STK17A: variants seen among roughly 807,000 people sequenced by gnomAD.
The protein encoded by STK17A is serine/threonine kinase 17a.
In STK17A, 26 loss-of-function variants were observed where a neutral mutation model predicts 43.7. That is an observed-to-expected ratio of 0.60 (90% CI 0.44 to 0.83). STK17A has a LOEUF of 0.83. Among genes scored for constraint, STK17A ranks in the 40% least tolerant of loss-of-function variants. The pLI, the probability that STK17A is intolerant of heterozygous loss-of-function variation, is 0.00. For missense variants in STK17A, 476 were observed against 511.6 expected (o/e 0.93, Z 0.67); for synonymous variants, 191 against 182.5 (o/e 1.05, Z -0.38).
Position 43,589,937 on chromosome 7 carries a change from AATTTTATTTT to A in STK17A, c.207-5939_207-5930del, listed in dbSNP as rs60703469. Among the ~76,000 whole-genome samples the A allele has an allele frequency of 3.9e-3, 410 of 103,860 alleles. 11 individuals are homozygous for A. The highest frequency in any genetic ancestry group is 6.7e-3 in the Non-Finnish European group (292 of 43,530). The allele number at this position is 103,860 out of a possible 152,430, so 68.1% of individuals were successfully genotyped here. On this transcript the variant is annotated intron_variant, in intron 1 of 6. Coordinates refer to ENST00000319357, the MANE Select transcript of STK17A (RefSeq NM_004760.3). ...TTTAATTTTATTTAATTTTAATTTT[AATTTTATTTT>A]ATTTTATTTTATTTTATTTTATTTG...
intron 4 of STK17A, among the ~76,000 whole-genome samples, chr7:43,619,960 C>T (rs1563163545): frequency 6.6e-6 from 1 of 152,212 alleles, no homozygotes; most frequent in Non-Finnish European, 1.5e-5. Context: ...GAAGGGATTA[C>T]TTCTAAAAGG....
chr7:43,583,429 C>T lies in STK17A; in HGVS notation c.186C>T (p.Cys62=), dbSNP rs2152969909. ...TEPFQDGYSL[C]PGRELGRGKF... ...CCTTCCAGGACGGCTACAGCCTGTG[C>T]CCGGGCCGGGAGCTGGGCAGGTGAG... The change falls in exon 1 of 7, where the codon TGC becomes TGT. Residue 62 remains cysteine, a synonymous_variant. Coordinates refer to ENST00000319357, the MANE Select transcript of STK17A (RefSeq NM_004760.3). 2 of 1,379,040 alleles carry T rather than the reference C, an allele frequency of 1.5e-6. No homozygotes were observed. The highest frequency in any genetic ancestry group is 3.5e-5 in the Admixed American group (1 of 28,456). The allele number at this position is 1,379,040 out of a possible 1,614,324, so 85.4% of individuals were successfully genotyped here. A position where few individuals can be genotyped will look rare whatever the true frequency, so the allele number is the denominator to read the frequency against.
chr7:43,614,450 T>C (rs2083164907), intron 3 of STK17A, among the ~76,000 whole-genome samples: 1 of 152,242 alleles, frequency 6.6e-6, no homozygotes, highest in African/African-American at 2.4e-5. Context: ...TTGTAAATGC[T>C]GAGGTACTTA....
chr7:43,595,095 T>G (rs1307961198), intron 1 of STK17A, among the ~76,000 whole-genome samples: 2 of 152,074 alleles, frequency 1.3e-5, no homozygotes, highest in Non-Finnish European at 2.9e-5. Context: ...TAACACTTTG[T>G]TGTATCTGTC....
At chr7:43,596,218 CT>C in intron 2 of STK17A, 105 bp downstream of exon 2, 3 of 1,073,410 alleles carry the variant, frequency 2.8e-6, no homozygotes, top group Non-Finnish European at 3.9e-6. Context: ...CTCTGGAAAT[CT>C]CAGAATTTTC....
intron 4 of STK17A, among the ~76,000 whole-genome samples, chr7:43,620,673 C>G (rs370421182): frequency 4.6e-5 from 6 of 131,332 alleles, no homozygotes; most frequent in Non-Finnish European, 4.8e-5. Flanking sequence ...GACTCCGTCT[C>G]AAAAAAAAAA....
In STK17A at chr7:43,586,662, T is replaced by TA. The variant is rs1168021675; in HGVS notation, c.206+3216dup. Among the ~76,000 whole-genome samples, 5 of 151,488 alleles carry TA rather than the reference T, an allele frequency of 3.3e-5. 1 individual carries two copies. Among genetic ancestry groups the TA allele is most frequent in the Non-Finnish European group, 7.4e-5 (5 of 67,634 alleles). Reference sequence around the variant, plus strand: ...AAACAGAAAGATGTTTCAAGGAACTTAAAGATAACACCAGTTTCATAGCAA... The same window carrying TA: ...AAACAGAAAGATGTTTCAAGGAACTTAAAAGATAACACCAGTTTCATAGCAA... On this transcript the variant is annotated intron_variant, in intron 1 of 6. Coordinates refer to ENST00000319357, the MANE Select transcript of STK17A (RefSeq NM_004760.3).
intron 2 of STK17A, 56 bp downstream of exon 2, chr7:43,596,169 G>C: frequency 6.7e-7 from 1 of 1,487,744 alleles, no homozygotes; most frequent in Non-Finnish European, 9.2e-7. Flanking sequence ...TTCCTTTACG[G>C]AATGCCACTC....
chr7:43,612,673 C>T (rs556180876), intron 3 of STK17A, among the ~76,000 whole-genome samples: 62 of 152,288 alleles, frequency 4.1e-4, no homozygotes, highest in African/African-American at 1.5e-3. Context: ...ATAGTTGCTT[C>T]TATTAAGGAT....
chr7:43,620,911 TGAGGG>T (rs1224793191), intron 4 of STK17A, among the ~76,000 whole-genome samples: 1 of 152,054 alleles, frequency 6.6e-6, no homozygotes, highest in East Asian at 1.9e-4. Flanking sequence ...GGCCTGGGCC[TGAGGG>T]AAGACTCTGT....
intron 1 of STK17A, among the ~76,000 whole-genome samples, chr7:43,594,347 C>G (rs115442137): frequency 0.016 from 2,400 of 151,874 alleles, 66 homozygotes; most frequent in African/African-American, 0.055. Flanking sequence ...ATGGTGTTTG[C>G]TGTGTTCAGT....
intron 1 of STK17A, among the ~76,000 whole-genome samples, chr7:43,590,292 C>T (rs1004724074): frequency 6.6e-6 from 1 of 151,276 alleles, no homozygotes. Context: ...TAATAGGTTC[C>T]AGTTTTAAGC....
intron 4 of STK17A, 23 bp downstream of exon 4, chr7:43,619,746 T>G: frequency 6.2e-7 from 1 of 1,611,800 alleles, no homozygotes; most frequent in Non-Finnish European, 8.5e-7. Context: ...AAAAGTAGTT[T>G]TGTTCTGGGG....
chr7:43,584,190 T>C (rs935060907), intron 1 of STK17A, among the ~76,000 whole-genome samples: 1 of 152,166 alleles, frequency 6.6e-6, no homozygotes, highest in African/African-American at 2.4e-5. Context: ...GCTGTTCGGA[T>C]GCTTTACATT....
In STK17A at chr7:43,619,584, T is replaced by G; in HGVS notation, c.565-13T>G. 1.2e-6 allele frequency: 2 copies of G among 1,611,072 alleles called. No individual in the cohort carries two copies. The highest frequency in any genetic ancestry group is 1.7e-6 in the Non-Finnish European group (2 of 1,179,058). On this transcript the variant is annotated splice_polypyrimidine_tract_variant and intron_variant, in intron 3 of 6. Transcript: ENST00000319357. ...AGTTATATTGATTTTTGCGGGGGTG[T>G]ATTTTCTTTTAGCCTCAGAATATTC...
rs1461821310 is a variant in STK17A at position 43,601,317 on chromosome 7, C to G, written c.419+5204C>G. 8.5e-5 allele frequency among the ~76,000 whole-genome samples: 13 copies of G among 152,152 alleles called. 1 individual carries two copies. The highest frequency in any genetic ancestry group is 8.5e-4 in the Admixed American group (13 of 15,260). On this transcript the variant is annotated intron_variant, in intron 2 of 6. Coordinates refer to ENST00000319357, the MANE Select transcript of STK17A (RefSeq NM_004760.3). Reference sequence around the variant, plus strand: ...AGAAATAATACGAACATGAGAAGCACAAAAGTATTTGTCACAGTGCATTTC... The same window carrying G: ...AGAAATAATACGAACATGAGAAGCAGAAAAGTATTTGTCACAGTGCATTTC...
intron 2 of STK17A, among the ~76,000 whole-genome samples, chr7:43,605,575 C>G (rs1414425848): frequency 2.6e-5 from 4 of 152,084 alleles, no homozygotes; most frequent in Non-Finnish European, 5.9e-5. Context: ...TCCCTCCTCT[C>G]TGGTACTCAC....
At chr7:43,606,287 G>A (rs910265246) in intron 2 of STK17A, among the ~76,000 whole-genome samples, 1 of 152,094 alleles carries the variant, frequency 6.6e-6, no homozygotes, top group African/African-American at 2.4e-5. Context: ...CCTCAGAGCA[G>A]GACAGAAATG....
At position 43,589,606 on chromosome 7, in the gene STK17A, A is replaced by G. The variant is rs892709381; in HGVS notation, c.206+6157A>G. ...AACTCCTACCACATTACACAGTACT[A>G]TAACTGGTACCACATTTACACAGTA... On this transcript the variant is annotated intron_variant, in intron 1 of 6. Transcript: ENST00000319357. Among the ~76,000 whole-genome samples, 8 of 152,230 alleles carry G rather than the reference A, an allele frequency of 5.3e-5. 1 individual carries two copies. The highest frequency in any genetic ancestry group is 1.2e-4 in the Non-Finnish European group (8 of 68,036).
Sources: gnomAD v4.1 joint callset for allele counts (sites outside exome capture counted in the v4.1 genomes callset) on GRCh38, gnomAD v4.1.1 for gene constraint, MANE v1.5 for transcripts, NCBI Gene and HGNC (gene_info 2026-07-23, HGNC 2026-07-21) for gene names.